IPCEF1: variants seen among roughly 807,000 people sequenced by gnomAD.
IPCEF1 encodes interaction protein for cytohesin exchange factors 1.
IPCEF1 carries 31 observed loss-of-function variants against 50.9 expected under a neutral mutation model. The observed-to-expected ratio is 0.61, with a 90% CI of 0.46 to 0.82. IPCEF1 has a LOEUF of 0.82. Ranked by LOEUF, IPCEF1 falls within the 40% of genes least tolerant of loss-of-function variation. The probability of loss-of-function intolerance (pLI) is 0.00; values close to 1 mark genes in which losing one functional copy is unlikely to be tolerated. For synonymous variants in IPCEF1, 181 were observed against 192.0 expected (o/e 0.94, Z 0.47); for missense variants, 458 against 514.0 (o/e 0.89, Z 1.05).
chr6:154,355,900 G>A (rs541612973), intron 1 of IPCEF1, among the ~76,000 whole-genome samples: 2 of 150,974 alleles, frequency 1.3e-5, no homozygotes, highest in East Asian at 1.9e-4. Context: ...TGATCCTCTC[G>A]CCGTGGTCAC....
chr6:154,209,999 G>A (rs2128603393), intron 9 of IPCEF1, among the ~76,000 whole-genome samples: 1 of 152,242 alleles, frequency 6.6e-6, no homozygotes, highest in African/African-American at 2.4e-5. Flanking sequence ...TAACTTACTG[G>A]CTTCATGAGT....
chr6:154,240,203 T>C (rs569639287), intron 5 of IPCEF1, among the ~76,000 whole-genome samples: 1 of 152,344 alleles, frequency 6.6e-6, no homozygotes, highest in African/African-American at 2.4e-5. Flanking sequence ...AATTAAGTAA[T>C]GTAATAATTA....
chr6:154,160,415 C>T (rs1278628316), intron 11 of IPCEF1, among the ~76,000 whole-genome samples: 2 of 152,154 alleles, frequency 1.3e-5, no homozygotes, highest in Non-Finnish European at 2.9e-5. Flanking sequence ...CCAAACTTCA[C>T]TAAGTAAAAT....
At chr6:154,201,507 T>C (rs1176127122) in intron 9 of IPCEF1, among the ~76,000 whole-genome samples, 1 of 152,182 alleles carries the variant, frequency 6.6e-6, no homozygotes, top group African/African-American at 2.4e-5. Context: ...GATCACCCTA[T>C]ATCTCCAACA....
At chr6:154,355,371 T>G (rs7750726) in intron 1 of IPCEF1, among the ~76,000 whole-genome samples, 7,485 of 152,250 alleles carry the variant, frequency 0.049, 591 homozygotes, top group African/African-American at 0.17. Flanking sequence ...AATTATAAGG[T>G]AAATTAAAGA....
chr6:154,189,484 G>A (rs1224482797), intron 10 of IPCEF1, among the ~76,000 whole-genome samples: 3 of 151,108 alleles, frequency 2.0e-5, no homozygotes, highest in Admixed American at 6.6e-5. Context: ...GAAAAAATGT[G>A]CAAAACACAT....
intron 2 of IPCEF1, among the ~76,000 whole-genome samples, chr6:154,287,986 A>C (rs537054032): frequency 2.0e-5 from 3 of 152,380 alleles, no homozygotes; most frequent in Admixed American, 6.5e-5. Context: ...CTCATCAGTA[A>C]ATGCGTATCT....
chr6:154,325,477 G>C (rs940855209), intron 1 of IPCEF1, among the ~76,000 whole-genome samples: 1 of 152,156 alleles, frequency 6.6e-6, no homozygotes, highest in African/African-American at 2.4e-5. Flanking sequence ...AATTTTTAAT[G>C]TTTAAATGTA....
At chr6:154,313,434 C>T (rs34646890) in intron 1 of IPCEF1, among the ~76,000 whole-genome samples, 4,176 of 151,176 alleles carry the variant, frequency 0.028, 92 homozygotes, top group Non-Finnish European at 0.042. Context: ...AGAGTTTAAA[C>T]AATAGATAGG....
intron 1 of IPCEF1, among the ~76,000 whole-genome samples, chr6:154,320,202 C>A (rs17085295): frequency 0.089 from 13,568 of 152,132 alleles, 1,240 homozygotes; most frequent in African/African-American, 0.23. Context: ...AAATCCTAGA[C>A]GCTAACCATG....
rs1281279462 is a variant in IPCEF1, at chr6:154,282,606, A to G, written c.-18+7107T>C. ...GGAGGCTGAGGCAGGAGAATGGCAT[A>G]AACCCGGGAGGCAGAGCTTGCAGTG... On this transcript the variant is annotated intron_variant, in intron 2 of 11. Coordinates refer to ENST00000367220, the MANE Select transcript of IPCEF1 (RefSeq NM_001130700.2). 5.3e-5 allele frequency among the ~76,000 whole-genome samples: 8 copies of G among 151,950 alleles called. No individual in the cohort carries two copies. In the East Asian group the frequency reaches 5.8e-4, roughly 11 times the overall value.
In IPCEF1 at chr6:154,158,815, A is replaced by G. The variant is rs1798814786; in HGVS notation, c.*1013T>C. 1 of 152,250 alleles carries G rather than the reference A, an allele frequency of 6.6e-6. No individual in the cohort carries two copies. The highest frequency in any genetic ancestry group is 1.5e-5 in the Non-Finnish European group (1 of 68,048). 9.4% of individuals were successfully genotyped at this position (152,250 alleles called of 1,614,324 possible). A position where few individuals can be genotyped will look rare whatever the true frequency, so the allele number is the denominator to read the frequency against. Reference sequence around the variant, plus strand: ...ACTTCTATAAATATATTTAAATAACAAACATAGCTATTCACATAGCACACA... The same window carrying G: ...ACTTCTATAAATATATTTAAATAACGAACATAGCTATTCACATAGCACACA... On this transcript the variant is annotated 3_prime_UTR_variant, in exon 12 of 12. Coordinates refer to ENST00000367220, the MANE Select transcript of IPCEF1 (RefSeq NM_001130700.2).
chr6:154,295,095 A>G (rs898684146), intron 1 of IPCEF1, among the ~76,000 whole-genome samples: 3 of 151,948 alleles, frequency 2.0e-5, no homozygotes, highest in East Asian at 3.9e-4. Context: ...CTACTCGGGA[A>G]GCTGAGGCGG....
At chr6:154,197,554 G>T (rs1286180765) in intron 10 of IPCEF1, among the ~76,000 whole-genome samples, 1 of 152,206 alleles carries the variant, frequency 6.6e-6, no homozygotes, top group East Asian at 1.9e-4. Flanking sequence ...GAAGTATACA[G>T]ATTTTGCTGG....
At chr6:154,294,488 G>A (rs946280919) in intron 1 of IPCEF1, among the ~76,000 whole-genome samples, 4 of 152,100 alleles carry the variant, frequency 2.6e-5, no homozygotes, top group African/African-American at 7.2e-5. Context: ...ACCCCAGTGA[G>A]ACAGCCAAGT....
intron 5 of IPCEF1, among the ~76,000 whole-genome samples, chr6:154,239,860 G>A (rs1275598988): frequency 6.6e-6 from 1 of 152,032 alleles, no homozygotes; most frequent in Admixed American, 6.6e-5. Context: ...TATCCACCAC[G>A]CTTGGCTAAT....
chr6:154,284,697 T>C (rs910742221), intron 2 of IPCEF1, among the ~76,000 whole-genome samples: 1 of 152,008 alleles, frequency 6.6e-6, no homozygotes, highest in Non-Finnish European at 1.5e-5. Context: ...GAACATACAG[T>C]GTGGGTAAGA....
intron 5 of IPCEF1, among the ~76,000 whole-genome samples, chr6:154,241,712 CT>C (rs1780609426): frequency 6.6e-6 from 1 of 152,204 alleles, no homozygotes; most frequent in South Asian, 2.1e-4. Flanking sequence ...AACTGGCCTT[CT>C]GGCAGCTCCC....
Position 154,356,757 on chromosome 6 carries a change from T to A in IPCEF1, c.-147A>T, listed in dbSNP as rs1046696256. ...GTACTCTGAGGCCAAGCTTGAGGAT[T>A]CTACTTAAAGCAGCCTCAGCTCTGG... is the stretch of plus-strand genomic sequence containing the variant. On this transcript the variant is annotated 5_prime_UTR_variant, in exon 1 of 12. Coordinates refer to ENST00000367220, the MANE Select transcript of IPCEF1 (RefSeq NM_001130700.2). 6.6e-6 allele frequency: 1 copy of A among 152,186 alleles called. No homozygotes were observed. Among genetic ancestry groups the A allele is most frequent in the Admixed American group, 6.5e-5 (1 of 15,274 alleles). 9.4% of individuals were successfully genotyped at this position (152,186 alleles called of 1,614,324 possible). A position where few individuals can be genotyped will look rare whatever the true frequency, so the allele number is the denominator to read the frequency against.
Sources: gnomAD v4.1 joint callset for allele counts (sites outside exome capture counted in the v4.1 genomes callset) on GRCh38, gnomAD v4.1.1 for gene constraint, MANE v1.5 for transcripts, NCBI Gene and HGNC (gene_info 2026-07-23, HGNC 2026-07-21) for gene names.